The following MARCHF8 variants were observed in gnomAD, a reference collection of about 807,000 sequenced individuals.
MARCHF8 encodes E3 ubiquitin-protein ligase MARCHF8.
In MARCHF8, 40 loss-of-function variants were observed where a neutral mutation model predicts 51.6. The ratio of observed to expected loss-of-function variants is 0.77; its 90% confidence interval spans 0.60 to 1.01. The LOEUF (loss-of-function observed/expected upper bound fraction) is 1.01. Ranked by LOEUF, MARCHF8 falls within the 50% of genes least tolerant of loss-of-function variation. MARCHF8 has a pLI of 0.00. For synonymous variants in MARCHF8, 263 were observed against 280.3 expected (o/e 0.94, Z 0.62); for missense variants, 685 against 708.6 (o/e 0.97, Z 0.38).
chr10:45,513,362 T>TAAA (rs747953508), intron 2 of MARCHF8, among the ~76,000 whole-genome samples: 38 of 152,112 alleles, frequency 2.5e-4, no homozygotes, highest in Non-Finnish European at 4.1e-4. Context: ...GAAACACGTT[T>TAAA]ATTAACCACC....
intron 3 of MARCHF8, among the ~76,000 whole-genome samples, chr10:45,472,983 T>C (rs1419240660): frequency 6.6e-6 from 1 of 152,208 alleles, no homozygotes; most frequent in African/African-American, 2.4e-5. Flanking sequence ...TTGCCTTATT[T>C]GTAACCCATA....
intron 2 of MARCHF8, among the ~76,000 whole-genome samples, chr10:45,516,834 C>G (rs1311721750): frequency 6.6e-6 from 1 of 152,154 alleles, no homozygotes; most frequent in Non-Finnish European, 1.5e-5. Flanking sequence ...ACATAAAGAT[C>G]ATTTAGTCCA....
At chr10:45,503,396 C>T (rs369918608) in intron 2 of MARCHF8, among the ~76,000 whole-genome samples, 11 of 151,962 alleles carry the variant, frequency 7.2e-5, no homozygotes, top group African/African-American at 2.4e-4. Context: ...ATTAGCTAGG[C>T]ATGGTGACGT....
At chr10:45,573,354 T>C (rs2044453304) in intron 1 of MARCHF8, among the ~76,000 whole-genome samples, 1 of 152,176 alleles carries the variant, frequency 6.6e-6, no homozygotes, top group Non-Finnish European at 1.5e-5. Context: ...TAGCAATGTA[T>C]TTCTGAGTTG....
At chr10:45,554,487 G>C (rs2044230220) in intron 1 of MARCHF8, among the ~76,000 whole-genome samples, 1 of 152,104 alleles carries the variant, frequency 6.6e-6, no homozygotes, top group Non-Finnish European at 1.5e-5. Flanking sequence ...TTAAAGAAAG[G>C]GATAATTCCA....
chr10:45,502,810 G>T (rs1195223617), intron 2 of MARCHF8, among the ~76,000 whole-genome samples: 1 of 152,102 alleles, frequency 6.6e-6, no homozygotes, highest in South Asian at 2.1e-4. Context: ...GAAGGAAAAT[G>T]ATACCAGAAA....
At chr10:45,479,750 T>A (rs2042852365) in intron 3 of MARCHF8, among the ~76,000 whole-genome samples, 1 of 152,212 alleles carries the variant, frequency 6.6e-6, no homozygotes, top group Admixed American at 6.5e-5. Context: ...CCATTAAACC[T>A]CTTTTACTTT....
intron 3 of MARCHF8, among the ~76,000 whole-genome samples, chr10:45,488,660 C>T (rs534150016): frequency 1.3e-5 from 2 of 152,312 alleles, no homozygotes; most frequent in East Asian, 1.9e-4. Flanking sequence ...TTCTCTACTG[C>T]AACATCTAGA....
At chr10:45,583,463 A>G (rs2133428669) in intron 1 of MARCHF8, among the ~76,000 whole-genome samples, 1 of 151,722 alleles carries the variant, frequency 6.6e-6, no homozygotes, top group Middle Eastern at 3.4e-3. Flanking sequence ...AGCACACTAA[A>G]TATCAACTAA....
At chr10:45,527,685 TAGA>T (rs996511596) in intron 2 of MARCHF8, among the ~76,000 whole-genome samples, 25 of 152,098 alleles carry the variant, frequency 1.6e-4, no homozygotes, top group African/African-American at 5.8e-4. Flanking sequence ...CTACCAGACA[TAGA>T]AGAATAGGTA....
rs146205524 is a variant in MARCHF8 at position 45,563,151 on chromosome 10, G to A, written c.-78-29862C>T. Among the ~76,000 whole-genome samples, 178 of 152,036 alleles carry A rather than the reference G, an allele frequency of 1.2e-3. 1 individual carries two copies. Among genetic ancestry groups the A allele is most frequent in the African/African-American group, 4.1e-3 (169 of 41,448 alleles). On this transcript the variant is annotated intron_variant, in intron 1 of 6. Coordinates refer to the MARCHF8 transcript ENST00000319836. ...AAGTGATCCTACTGCCTCAGCTTTC[G>A]GGGTAGCTGGGACTACAGGCCTGCA... is the stretch of plus-strand genomic sequence containing the variant.
chr10:45,527,239 G>C (rs908903926), intron 2 of MARCHF8, among the ~76,000 whole-genome samples: 1 of 151,852 alleles, frequency 6.6e-6, no homozygotes, highest in South Asian at 2.1e-4. Flanking sequence ...AGAAAAACAA[G>C]AACAAACCAA....
At chr10:45,569,706 A>T (rs190578705) in intron 1 of MARCHF8, among the ~76,000 whole-genome samples, 26 of 152,322 alleles carry the variant, frequency 1.7e-4, no homozygotes, top group Admixed American at 1.7e-3. Flanking sequence ...CATGTCTATG[A>T]ATGACCACGG....
chr10:45,551,025 A>T (rs1001052192), intron 1 of MARCHF8, among the ~76,000 whole-genome samples: 1 of 152,220 alleles, frequency 6.6e-6, no homozygotes, highest in Non-Finnish European at 1.5e-5. Context: ...AAATTGGCAG[A>T]CTTTTTTTTA....
At chr10:45,582,703 T>C (rs556598760) in intron 1 of MARCHF8, among the ~76,000 whole-genome samples, 4 of 152,332 alleles carry the variant, frequency 2.6e-5, no homozygotes, top group African/African-American at 9.6e-5. Context: ...GTACAGATGT[T>C]GTGTGAAAGG....
chr10:45,481,118 T>C (rs1163922171), intron 3 of MARCHF8, among the ~76,000 whole-genome samples: 3 of 152,248 alleles, frequency 2.0e-5, no homozygotes, highest in Admixed American at 6.5e-5. Flanking sequence ...GACTGACCCA[T>C]TGGATTGTGG....
intron 3 of MARCHF8, among the ~76,000 whole-genome samples, chr10:45,485,736 A>C (rs61854096): frequency 0.23 from 34,558 of 152,090 alleles, 4,170 homozygotes; most frequent in Admixed American, 0.29. Context: ...CAAGAGGTGA[A>C]CTGCAGAAGC....
intron 1 of MARCHF8, among the ~76,000 whole-genome samples, chr10:45,584,655 G>A (rs1276520593): frequency 6.6e-6 from 1 of 152,106 alleles, no homozygotes; most frequent in Non-Finnish European, 1.5e-5. Flanking sequence ...ACTAATTTGA[G>A]TATAGCTGTG....
intron 2 of MARCHF8, among the ~76,000 whole-genome samples, chr10:45,521,964 T>C (rs1465223629): frequency 6.6e-6 from 1 of 152,198 alleles, no homozygotes; most frequent in Non-Finnish European, 1.5e-5. Flanking sequence ...ATATTCAGCT[T>C]TCCCAGTTGT....
Sources: gnomAD v4.1 joint callset for allele counts (sites outside exome capture counted in the v4.1 genomes callset) on GRCh38, gnomAD v4.1.1 for gene constraint, MANE v1.5 for transcripts, NCBI Gene and HGNC (gene_info 2026-07-23, HGNC 2026-07-21) for gene names.